The following DPP10 variants were observed in gnomAD, a reference collection of about 807,000 sequenced individuals.
DPP10 encodes dipeptidyl peptidase like 10.
DPP10 carries 33 observed loss-of-function variants against 120.9 expected under a neutral mutation model. That is an observed-to-expected ratio of 0.27 (90% CI 0.21 to 0.37). DPP10 has a LOEUF of 0.37. Ranked by LOEUF, DPP10 falls within the 10% of genes least tolerant of loss-of-function variation. The probability of loss-of-function intolerance (pLI) is 1.00; values close to 1 mark genes in which losing one functional copy is unlikely to be tolerated. For synonymous variants in DPP10, 337 were observed against 326.1 expected (o/e 1.03, Z -0.36); for missense variants, 816 against 942.8 (o/e 0.87, Z 1.76).
intron 1 of DPP10, among the ~76,000 whole-genome samples, chr2:115,116,688 A>C (rs2049523747): frequency 6.6e-6 from 1 of 152,174 alleles, no homozygotes; most frequent in South Asian, 2.1e-4. Context: ...CAGAAAAGGT[A>C]CTTCTTTACA....
At chr2:114,449,959 G>C (rs1417387229) in intron 1 of DPP10, among the ~76,000 whole-genome samples, 1 of 152,080 alleles carries the variant, frequency 6.6e-6, no homozygotes, top group Non-Finnish European at 1.5e-5. Context: ...TTACCAGGGA[G>C]GTAGGGGAAG....
At chr2:115,305,521 C>T (rs775569674) in intron 1 of DPP10, among the ~76,000 whole-genome samples, 3 of 152,022 alleles carry the variant, frequency 2.0e-5, no homozygotes, top group Non-Finnish European at 2.9e-5. Flanking sequence ...TTGCTTGAGG[C>T]CAGGAGTTTG....
intron 1 of DPP10, among the ~76,000 whole-genome samples, chr2:114,821,625 C>G (rs1322291044): frequency 2.0e-5 from 3 of 152,144 alleles, no homozygotes; most frequent in Non-Finnish European, 4.4e-5. Flanking sequence ...GTCCCTTCCA[C>G]CTATGAGTCT....
Position 115,493,391 on chromosome 2 carries a change from A to G in DPP10, c.272-6119A>G, listed in dbSNP as rs1224751771. On this transcript the variant is annotated intron_variant, in intron 3 of 25. Coordinates refer to ENST00000410059, the MANE Select transcript of DPP10 (RefSeq NM_020868.6). ...GTACTGAGTTTTATATGTCTACAAG[A>G]TATGTGATCTAGCATAGAATTAGAA... Among the ~76,000 whole-genome samples, 6 of 152,216 alleles carry G rather than the reference A, an allele frequency of 3.9e-5. No homozygotes were observed. In the East Asian group the frequency reaches 1.2e-3, roughly 29 times the overall value.
intron 3 of DPP10, among the ~76,000 whole-genome samples, chr2:115,348,885 T>A (rs868636287): frequency 4.6e-5 from 7 of 152,206 alleles, no homozygotes; most frequent in Middle Eastern, 3.4e-3. Context: ...CAATATCAAA[T>A]TGCTATGAAA....
chr2:115,373,874 T>A (rs4436969), intron 3 of DPP10, among the ~76,000 whole-genome samples: 1 of 144,070 alleles, frequency 6.9e-6, no homozygotes, highest in Non-Finnish European at 1.5e-5. Context: ...TGTCTCACCA[T>A]AGCCAAGCAG....
intron 1 of DPP10, among the ~76,000 whole-genome samples, chr2:114,693,561 G>A (rs1450854524): frequency 6.6e-6 from 1 of 151,840 alleles, no homozygotes; most frequent in African/African-American, 2.4e-5. Context: ...GTGTCCTGGG[G>A]TTGATCTTCT....
At chr2:115,430,815 GT>G (rs1406414283) in intron 3 of DPP10, among the ~76,000 whole-genome samples, 2 of 152,174 alleles carry the variant, frequency 1.3e-5, no homozygotes, top group East Asian at 3.9e-4. Flanking sequence ...AAATTGCTCT[GT>G]GTTTTACTGC....
At chr2:115,390,910 T>G (rs545054977) in intron 3 of DPP10, among the ~76,000 whole-genome samples, 1 of 152,284 alleles carries the variant, frequency 6.6e-6, no homozygotes, top group African/African-American at 2.4e-5. Flanking sequence ...CACCGTCATC[T>G]TGTACTAGTT....
In DPP10 at chr2:115,689,728, C is replaced by A; in HGVS notation, c.483C>A (p.Asn161Lys). ...YSYTASYVIY[N>K]IHTREVWELN... is the part of the protein sequence containing the mutation. ...ATACTGCTTCATATGTGATTTACAA[C>A]ATACACACTAGGTAAGTTCTTTGAT... The change falls in exon 6 of 26, where the codon AAC becomes AAA. Residue 161 changes from asparagine (N) to lysine (K), a missense_variant. Asn to Lys is a moderately conservative substitution (Grantham distance 94). Around this residue, in one of 3 missense-constraint regions of DPP10, gnomAD observed 182 missense variants for 207.4 expected, o/e 0.88. Transcript: ENST00000410059. The A allele has an allele frequency of 6.3e-7, 1 of 1,596,662 alleles. No homozygotes were observed. Among genetic ancestry groups the A allele is most frequent in the Non-Finnish European group, 8.6e-7 (1 of 1,167,130 alleles).
At chr2:114,464,868 A>G (rs142332678) in intron 1 of DPP10, among the ~76,000 whole-genome samples, 81 of 152,304 alleles carry the variant, frequency 5.3e-4, no homozygotes, top group African/African-American at 1.8e-3. Flanking sequence ...CCATCTCAAA[A>G]AAATAATAAA....
chr2:114,532,924 C>T (rs940706551), intron 1 of DPP10, among the ~76,000 whole-genome samples: 7 of 152,270 alleles, frequency 4.6e-5, no homozygotes, highest in South Asian at 2.1e-4. Flanking sequence ...CTGGACTCAT[C>T]GTTCCCTACC....
In DPP10 at chr2:115,809,337, T is replaced by C. The variant is rs1002450321; in HGVS notation, c.1701-5456T>C. 7.9e-5 allele frequency among the ~76,000 whole-genome samples: 12 copies of C among 152,166 alleles called. 1 individual carries two copies. The highest frequency in any genetic ancestry group is 2.9e-4 in the African/African-American group (12 of 41,458). On this transcript the variant is annotated intron_variant, in intron 19 of 25. Coordinates refer to ENST00000410059, the MANE Select transcript of DPP10 (RefSeq NM_020868.6). ...TATGCTGCAACTAAATCATCATGGA[T>C]TATAAATCTCTATAAAGTAAATTTT...
At chr2:114,965,241 A>G (rs1698921162) in intron 1 of DPP10, among the ~76,000 whole-genome samples, 1 of 151,948 alleles carries the variant, frequency 6.6e-6, no homozygotes, top group Non-Finnish European at 1.5e-5. Flanking sequence ...GGTTCAAGTG[A>G]TTCTCCTGCC....
At chr2:114,811,349 T>C (rs1008938244) in intron 1 of DPP10, among the ~76,000 whole-genome samples, 3 of 152,134 alleles carry the variant, frequency 2.0e-5, no homozygotes, top group Admixed American at 1.3e-4. Context: ...TCTAGGTGTT[T>C]ATTCAGCATC....
At chr2:114,674,763 C>T (rs962703704) in intron 1 of DPP10, among the ~76,000 whole-genome samples, 5 of 152,230 alleles carry the variant, frequency 3.3e-5, no homozygotes, top group African/African-American at 1.2e-4. Flanking sequence ...TTCAGAGGGT[C>T]GTTGATCCCA....
At position 115,438,697 on chromosome 2, in the gene DPP10, C is replaced by G. The variant is rs117378642; in HGVS notation, c.272-60813C>G. On this transcript the variant is annotated intron_variant, in intron 3 of 25. Coordinates refer to ENST00000410059, the MANE Select transcript of DPP10 (RefSeq NM_020868.6). Reference sequence around the variant, plus strand: ...CACTATGTACCTAACACAGTCAATTCATGGAAGCACAATGTAGAATAGTGG... The same window carrying G: ...CACTATGTACCTAACACAGTCAATTGATGGAAGCACAATGTAGAATAGTGG... Among the ~76,000 whole-genome samples the G allele has an allele frequency of 1.8e-4, 27 of 152,108 alleles. 1 individual carries two copies. The East Asian group carries it at 5.2e-3, about 29-fold the overall frequency.
intron 5 of DPP10, chr2:115,579,626 A>G (rs1409151991): frequency 1.3e-5 from 2 of 152,158 alleles, no homozygotes; most frequent in Non-Finnish European, 2.9e-5. Flanking sequence ...ACCAGTATTT[A>G]TTTGGAAACA....
intron 1 of DPP10, among the ~76,000 whole-genome samples, chr2:114,656,503 G>A (rs1696978612): frequency 6.6e-6 from 1 of 152,132 alleles, no homozygotes; most frequent in Non-Finnish European, 1.5e-5. Context: ...AACAGTATCT[G>A]CAATTTATTG....
Sources: gnomAD v4.1 joint callset for allele counts (sites outside exome capture counted in the v4.1 genomes callset) on GRCh38, gnomAD v4.1.1 for gene constraint, gnomAD v4.1.1 regional missense constraint, MANE v1.5 for transcripts, NCBI Gene and HGNC (gene_info 2026-07-23, HGNC 2026-07-21) for gene names.